The following FSTL1 variants were observed in gnomAD, a reference collection of about 807,000 sequenced individuals.
FSTL1 encodes the protein follistatin-related protein 1.
In FSTL1, 24 loss-of-function variants were observed where a neutral mutation model predicts 45.9. That is an observed-to-expected ratio of 0.52 (90% CI 0.38 to 0.74). FSTL1 has a LOEUF of 0.74. Ranked by LOEUF, FSTL1 falls within the 30% of genes least tolerant of loss-of-function variation. FSTL1 has a pLI of 0.00. For missense variants in FSTL1, 340 were observed against 381.8 expected, an observed-to-expected ratio of 0.89 and a Z score of 0.91; for synonymous variants, 120 against 137.6, an observed-to-expected ratio of 0.87 and a Z score of 0.89.
chr3:120,399,738 G>A (rs559272292), intron 10 of FSTL1, 145 bp downstream of exon 10: 1 of 614,930 alleles, frequency 1.6e-6, no homozygotes, highest in African/African-American at 1.8e-5. Context: ...CAGTTTGATA[G>A]TACAGGTGAT....
chr3:120,440,830 C>T (rs2107671213), intron 2 of FSTL1, among the ~76,000 whole-genome samples: 1 of 152,334 alleles, frequency 6.6e-6, no homozygotes, highest in South Asian at 2.1e-4. Flanking sequence ...TCAGGATGAC[C>T]TCTCTGTAAT....
chr3:120,440,006 C>A (rs947146450), intron 2 of FSTL1, among the ~76,000 whole-genome samples: 5 of 152,126 alleles, frequency 3.3e-5, no homozygotes, highest in Non-Finnish European at 5.9e-5. Flanking sequence ...CCCAGCTACT[C>A]TGGAGGCTGA....
Position 120,395,683 on chromosome 3 carries a change from A to C in FSTL1, c.*1269T>G, listed in dbSNP as rs1327666697. 1.1e-5 allele frequency: 6 copies of C among 534,634 alleles called. No homozygotes were observed. Among genetic ancestry groups the C allele is most frequent in the South Asian group, 8.4e-5 (6 of 71,562 alleles). 33.1% of individuals were successfully genotyped at this position (534,634 alleles called of 1,614,324 possible). A position where few individuals can be genotyped will look rare whatever the true frequency, so the allele number is the denominator to read the frequency against. On this transcript the variant is annotated 3_prime_UTR_variant, in exon 11 of 11. Coordinates refer to ENST00000295633, the MANE Select transcript of FSTL1 (RefSeq NM_007085.5). ...TAACAAGATTTCATTTATTCTATAGAGAAGAAGGAAAAATCACAGGAACCT... is the reference window on the plus strand; with the variant it reads ...TAACAAGATTTCATTTATTCTATAGCGAAGAAGGAAAAATCACAGGAACCT...
At chr3:120,430,277 C>G (rs1379765241) in intron 2 of FSTL1, among the ~76,000 whole-genome samples, 12 of 152,180 alleles carry the variant, frequency 7.9e-5, no homozygotes. Flanking sequence ...GACAGTTACT[C>G]ATTGACTCAG....
At chr3:120,435,144 A>G (rs781184302) in intron 2 of FSTL1, among the ~76,000 whole-genome samples, 24 of 152,102 alleles carry the variant, frequency 1.6e-4, no homozygotes, top group Non-Finnish European at 2.8e-4. Context: ...GCTTTAATCC[A>G]GGAGGCAGAG....
chr3:120,412,978 G>C (rs901761033), intron 3 of FSTL1, among the ~76,000 whole-genome samples: 6 of 152,132 alleles, frequency 3.9e-5, no homozygotes, highest in African/African-American at 1.4e-4. Flanking sequence ...GTGAAGCTAG[G>C]AGTAGGGTTG....
intron 8 of FSTL1, 82 bp downstream of exon 8, chr3:120,403,160 G>A (rs1038588957): frequency 2.4e-6 from 2 of 841,766 alleles, no homozygotes; most frequent in Middle Eastern, 2.2e-4. Flanking sequence ...TAGCTCTGGA[G>A]AGTTCCACCA....
chr3:120,404,743 C>T (rs1464719352), intron 7 of FSTL1, 110 bp downstream of exon 7: 9 of 709,888 alleles, frequency 1.3e-5, no homozygotes, highest in East Asian at 5.0e-5. Flanking sequence ...TTGCTTTTTA[C>T]GTGACATTCT....
chr3:120,409,744 C>T lies in FSTL1; in HGVS notation c.332-82G>A, dbSNP rs1223538150. The T allele has an allele frequency of 3.4e-5, 46 of 1,355,638 alleles. 1 individual carries two copies. In the Middle Eastern group the frequency reaches 9.7e-4, roughly 28 times the overall value. The allele number at this position is 1,355,638 out of a possible 1,614,324, so 84.0% of individuals were successfully genotyped here. A position where few individuals can be genotyped will look rare whatever the true frequency, so the allele number is the denominator to read the frequency against. On this transcript the variant is annotated intron_variant, in intron 5 of 10. Transcript: ENST00000295633. ...CTGGCACCCACTGTGTGGGAGCATC[C>T]GTGCCCATGGTTCTGCATATGTCAT...
At chr3:120,449,567 G>A (rs1937835732) in intron 2 of FSTL1, among the ~76,000 whole-genome samples, 1 of 152,086 alleles carries the variant, frequency 6.6e-6, no homozygotes, top group Non-Finnish European at 1.5e-5. Flanking sequence ...TATTTCATTG[G>A]CAGTAAAAAC....
intron 2 of FSTL1, among the ~76,000 whole-genome samples, chr3:120,433,794 A>G (rs1007203567): frequency 6.6e-6 from 1 of 152,196 alleles, no homozygotes. Flanking sequence ...ACGAAAGTAG[A>G]AAAGTGCAAA....
intron 9 of FSTL1, among the ~76,000 whole-genome samples, chr3:120,401,829 C>T (rs926782819): frequency 3.9e-5 from 6 of 152,190 alleles, no homozygotes; most frequent in African/African-American, 1.4e-4. Flanking sequence ...ACTTTGGCCT[C>T]CCCAAGTGTT....
intron 9 of FSTL1, among the ~76,000 whole-genome samples, chr3:120,401,865 C>T (rs1936834044): frequency 6.6e-6 from 1 of 152,220 alleles, no homozygotes; most frequent in Admixed American, 6.5e-5. Context: ...AGCCACTGCG[C>T]CTGGCTGATA....
chr3:120,410,045 G>A (rs568316749), intron 5 of FSTL1: 21 of 161,388 alleles, frequency 1.3e-4, no homozygotes, highest in African/African-American at 4.1e-4. Flanking sequence ...GAATATTACA[G>A]TTTTTATGCT....
At chr3:120,420,561 T>C (rs1937259821) in intron 2 of FSTL1, among the ~76,000 whole-genome samples, 1 of 152,202 alleles carries the variant, frequency 6.6e-6, no homozygotes, top group Non-Finnish European at 1.5e-5. Context: ...AATTTTCACA[T>C]TGCAAACTCC....
intron 3 of FSTL1, among the ~76,000 whole-genome samples, chr3:120,413,866 C>T (rs1937121990): frequency 7.0e-6 from 1 of 142,050 alleles, no homozygotes; most frequent in Non-Finnish European, 1.5e-5. Flanking sequence ...GTACTGCTGC[C>T]ATCTCGGCTC....
chr3:120,446,070 T>C (rs1426468907), intron 2 of FSTL1, among the ~76,000 whole-genome samples: 3 of 138,612 alleles, frequency 2.2e-5, no homozygotes. Context: ...ACTGGTATCA[T>C]TAAGCTAATA....
At chr3:120,408,238 G>A (rs535989265) in intron 6 of FSTL1, among the ~76,000 whole-genome samples, 12 of 152,214 alleles carry the variant, frequency 7.9e-5, no homozygotes, top group Non-Finnish European at 1.6e-4. Context: ...TTCTGTAGAA[G>A]AGGAACCATT....
At position 120,394,044 on chromosome 3, in the gene FSTL1, G is replaced by C. The variant is rs1361729375; in HGVS notation, c.*2908C>G. On this transcript the variant is annotated 3_prime_UTR_variant, in exon 11 of 11. Transcript: ENST00000295633. ...TGTTATAGCAACTTGAAGGGACTAA[G>C]ACACTTTCTGACTTGTCATCACCTT... 3 of 152,192 alleles carry C rather than the reference G, an allele frequency of 2.0e-5. No individual in the cohort carries two copies. Among genetic ancestry groups the C allele is most frequent in the African/African-American group, 4.8e-5 (2 of 41,440 alleles). The allele number at this position is 152,192 out of a possible 1,614,324, so 9.4% of individuals were successfully genotyped here. A position where few individuals can be genotyped will look rare whatever the true frequency, so the allele number is the denominator to read the frequency against.
Sources: gnomAD v4.1 joint callset for allele counts (sites outside exome capture counted in the v4.1 genomes callset) on GRCh38, gnomAD v4.1.1 for gene constraint, MANE v1.5 for transcripts, NCBI Gene and HGNC (gene_info 2026-07-23, HGNC 2026-07-21) for gene names.